Variants in ACVR1 observed in about 807,000 individuals in gnomAD.
ACVR1 encodes activin receptor type-1.
A neutral mutation model predicts 57.1 loss-of-function variants in ACVR1; 38 were observed. The observed-to-expected ratio is 0.67, with a 90% CI of 0.51 to 0.87. The LOEUF is 0.87. ACVR1 is among the 40% of genes least tolerant of loss of function. ACVR1 has a pLI of 0.00. For synonymous variants in ACVR1, 212 were observed against 228.1 expected (o/e 0.93, Z 0.63); for missense variants, 463 against 638.2 (o/e 0.73, Z 2.96).
intron 1 of ACVR1, among the ~76,000 whole-genome samples, chr2:157,869,148 A>T (rs1238351571): frequency 3.3e-5 from 5 of 152,170 alleles, no homozygotes; most frequent in Non-Finnish European, 7.3e-5. Flanking sequence ...CACCATTCTA[A>T]ATGAATCAGC....
intron 3 of ACVR1, among the ~76,000 whole-genome samples, chr2:157,787,559 A>G (rs979991464): frequency 1.3e-5 from 2 of 152,194 alleles, no homozygotes; most frequent in Admixed American, 6.5e-5. Flanking sequence ...AGTGAATTGT[A>G]AACACTTCAG....
At chr2:157,787,877 T>C (rs1199068647) in intron 3 of ACVR1, among the ~76,000 whole-genome samples, 2 of 152,080 alleles carry the variant, frequency 1.3e-5, no homozygotes, top group South Asian at 2.1e-4. Flanking sequence ...CACTTCAATT[T>C]CTCTTCTTGC....
chr2:157,796,550 A>AAAC (rs1208191806), intron 3 of ACVR1, among the ~76,000 whole-genome samples: 53 of 152,222 alleles, frequency 3.5e-4, no homozygotes, highest in African/African-American at 1.2e-3. Flanking sequence ...ACCCCGTTTC[A>AAAC]AACAACAACA....
intron 7 of ACVR1, among the ~76,000 whole-genome samples, chr2:157,767,099 T>C (rs1685891248): frequency 6.6e-6 from 1 of 152,100 alleles, no homozygotes; most frequent in Non-Finnish European, 1.5e-5. Flanking sequence ...TGGCGCGATC[T>C]CGGTTCACTG....
chr2:157,754,467 T>G (rs779748541), intron 9 of ACVR1, among the ~76,000 whole-genome samples: 3 of 152,126 alleles, frequency 2.0e-5, no homozygotes, highest in Non-Finnish European at 4.4e-5. Flanking sequence ...CATTCAAGGC[T>G]ACTATGAATA....
intron 3 of ACVR1, among the ~76,000 whole-genome samples, chr2:157,784,606 G>A (rs1402050456): frequency 2.0e-5 from 3 of 152,246 alleles, no homozygotes; most frequent in Non-Finnish European, 4.4e-5. Flanking sequence ...ACCAGAGCCA[G>A]AGCCGTGTGA....
Position 157,841,892 on chromosome 2 carries a change from T to G in ACVR1, c.-182-23333A>C, listed in dbSNP as rs1423852238. Among the ~76,000 whole-genome samples the G allele has an allele frequency of 2.6e-5, 4 of 151,876 alleles. No homozygotes were observed. In the East Asian group the frequency reaches 7.8e-4, roughly 29 times the overall value. On this transcript the variant is annotated intron_variant, in intron 1 of 10. Transcript: ENST00000434821. ...TTTTTAAAAAATTAGCTGGGCGTTG[T>G]GGCAGGCGCCTGTAGGGTCAGCTAC...
intron 10 of ACVR1, 63 bp from the exon 11 acceptor site, chr2:157,737,728 G>T: frequency 6.2e-7 from 1 of 1,602,200 alleles, no homozygotes; most frequent in Non-Finnish European, 8.6e-7. Context: ...CTGGAAGCTG[G>T]GCTGATATCA....
rs1430098933 is a variant in ACVR1, at chr2:157,751,181, C to A, written c.1264+9699G>T. Reference sequence around the variant, plus strand: ...TGACTGTCCACCCCCAAACACACACCCTCACTGGGGAACCTGAAGGTCCAG... The same window carrying A: ...TGACTGTCCACCCCCAAACACACACACTCACTGGGGAACCTGAAGGTCCAG... On this transcript the variant is annotated intron_variant, in intron 9 of 10. Coordinates refer to ENST00000434821, the MANE Select transcript of ACVR1 (RefSeq NM_001111067.4). 2.0e-5 allele frequency among the ~76,000 whole-genome samples: 3 copies of A among 152,162 alleles called. No individual in the cohort carries two copies. In the South Asian group the frequency reaches 6.2e-4, roughly 32 times the overall value.
chr2:157,777,982 G>C lies in ACVR1; in HGVS notation c.543+149C>G, dbSNP rs1023860107. 1.4e-5 allele frequency: 11 copies of C among 793,906 alleles called. No homozygotes were observed. In the Admixed American group the frequency reaches 2.0e-4, roughly 14 times the overall value. 49.2% of individuals were successfully genotyped at this position (793,906 alleles called of 1,614,324 possible). A position where few individuals can be genotyped will look rare whatever the true frequency, so the allele number is the denominator to read the frequency against. On this transcript the variant is annotated intron_variant, in intron 5 of 10. Transcript: ENST00000434821. ...ATATGGGAAGACTACACAGGTGCCAGCATGTGCTTGTTTAGGACATAAGTA... is the reference window on the plus strand; with the variant it reads ...ATATGGGAAGACTACACAGGTGCCACCATGTGCTTGTTTAGGACATAAGTA...
intron 3 of ACVR1, among the ~76,000 whole-genome samples, chr2:157,785,445 T>C (rs1249193187): frequency 1.3e-5 from 2 of 152,200 alleles, no homozygotes; most frequent in South Asian, 2.1e-4. Flanking sequence ...ATCTCTGGCA[T>C]TAAACAAAGG....
chr2:157,874,421 T>C (rs1690211176), intron 1 of ACVR1, among the ~76,000 whole-genome samples: 1 of 152,230 alleles, frequency 6.6e-6, no homozygotes, highest in South Asian at 2.1e-4. Flanking sequence ...CTGCACACTA[T>C]GAAGCTGCAT....
intron 5 of ACVR1, 55 bp from the exon 6 acceptor site, chr2:157,774,242 T>A: frequency 7.0e-7 from 1 of 1,421,354 alleles, no homozygotes; most frequent in East Asian, 2.3e-5. Context: ...GCTCCCACTT[T>A]GGAGTATTAG....
intron 3 of ACVR1, among the ~76,000 whole-genome samples, chr2:157,795,222 C>T (rs985632167): frequency 2.6e-5 from 4 of 152,076 alleles, no homozygotes; most frequent in Admixed American, 6.5e-5. Context: ...TTTCTGTTAT[C>T]GGCCCCATTA....
At chr2:157,790,720 A>T (rs1338269078) in intron 3 of ACVR1, among the ~76,000 whole-genome samples, 1 of 152,132 alleles carries the variant, frequency 6.6e-6, no homozygotes, top group Non-Finnish European at 1.5e-5. Context: ...AAAATGGAGT[A>T]TGTGTGCCTG....
chr2:157,761,107 A>T (rs373234415), intron 8 of ACVR1, 30 bp from the exon 9 acceptor site: 6 of 1,610,064 alleles, frequency 3.7e-6, no homozygotes, highest in Non-Finnish European at 4.2e-6. Context: ...AATGTAATCA[A>T]CCCACTTCCT....
At chr2:157,812,567 G>A (rs1318597325) in intron 2 of ACVR1, among the ~76,000 whole-genome samples, 1 of 151,836 alleles carries the variant, frequency 6.6e-6, no homozygotes, top group African/African-American at 2.4e-5. Context: ...CATTAAAAAA[G>A]GTAAAAAGGA....
intron 5 of ACVR1, among the ~76,000 whole-genome samples, chr2:157,774,891 TG>T (rs3835769): frequency 0.24 from 36,961 of 150,892 alleles, 4,847 homozygotes; most frequent in East Asian, 0.41. Context: ...CAGAAAAGGG[TG>T]GGGGGGGTCC....
At chr2:157,861,260 T>A (rs1322720036) in intron 1 of ACVR1, among the ~76,000 whole-genome samples, 2 of 152,238 alleles carry the variant, frequency 1.3e-5, no homozygotes, top group South Asian at 2.1e-4. Context: ...TCTGTCTATA[T>A]CCTCAGTGCC....
Sources: gnomAD v4.1 joint callset for allele counts (sites outside exome capture counted in the v4.1 genomes callset) on GRCh38, gnomAD v4.1.1 for gene constraint, MANE v1.5 for transcripts, NCBI Gene and HGNC (gene_info 2026-07-23, HGNC 2026-07-21) for gene names.